DOCK7: variants seen among roughly 807,000 people sequenced by gnomAD.
DOCK7 encodes the protein dedicator of cytokinesis protein 7.
Under a neutral mutation model 271.0 loss-of-function variants are expected in DOCK7, and 138 were observed. The ratio of observed to expected loss-of-function variants is 0.51; its 90% confidence interval spans 0.44 to 0.59. The LOEUF (loss-of-function observed/expected upper bound fraction) is 0.59, where lower values mean the gene tolerates loss of function less well. Ranked by LOEUF, DOCK7 falls within the 20% of genes least tolerant of loss-of-function variation. DOCK7 has a pLI of 0.00. For missense variants in DOCK7, 2,066 were observed against 2,592.4 expected (o/e 0.80, Z 4.41); for synonymous variants, 823 against 876.1 (o/e 0.94, Z 1.07).
chr1:62,686,919 G>A (rs920069187), intron 1 of DOCK7, among the ~76,000 whole-genome samples: 2 of 151,428 alleles, frequency 1.3e-5, no homozygotes, highest in African/African-American at 4.9e-5. Context: ...CAGCTAGGAC[G>A]ACAGGTGCAA....
At chr1:62,566,338 C>G (rs185721086) in intron 18 of DOCK7, among the ~76,000 whole-genome samples, 11 of 152,168 alleles carry the variant, frequency 7.2e-5, no homozygotes, top group African/African-American at 2.6e-4. Context: ...GGTACTGGTA[C>G]CAAAACAGAT....
chr1:62,612,732 AGACCAAAATCC>A (rs1215244750), intron 14 of DOCK7, among the ~76,000 whole-genome samples: 3 of 152,238 alleles, frequency 2.0e-5, no homozygotes, highest in Non-Finnish European at 4.4e-5. Flanking sequence ...TATTCCTAAC[AGACCAAAATCC>A]TTTTGTTTCT....
At chr1:62,604,508 C>A in intron 14 of DOCK7, 1 of 1,047,474 alleles carries the variant, frequency 9.5e-7, no homozygotes, top group Middle Eastern at 2.5e-4. Flanking sequence ...TTATTTAAAA[C>A]TGGGATACAT....
At chr1:62,562,822 C>A (rs955675346) in intron 18 of DOCK7, among the ~76,000 whole-genome samples, 2 of 152,000 alleles carry the variant, frequency 1.3e-5, no homozygotes, top group Non-Finnish European at 2.9e-5. Flanking sequence ...AACAAAGCCC[C>A]AAGAAAAGCC....
intron 18 of DOCK7, among the ~76,000 whole-genome samples, chr1:62,573,452 AT>A (rs1646849277): frequency 2.0e-5 from 3 of 152,340 alleles, no homozygotes; most frequent in Middle Eastern, 6.8e-3. Flanking sequence ...CCTAATTTTA[AT>A]TTTAAAATTG....
At chr1:62,596,273 T>C (rs1296389309) in intron 14 of DOCK7, among the ~76,000 whole-genome samples, 2 of 152,154 alleles carry the variant, frequency 1.3e-5, no homozygotes, top group Admixed American at 1.3e-4. Flanking sequence ...TTAAGTAACT[T>C]GTCCAAGGCC....
At chr1:62,650,204 T>C (rs565882826) in intron 4 of DOCK7, among the ~76,000 whole-genome samples, 2 of 152,362 alleles carry the variant, frequency 1.3e-5, no homozygotes, top group South Asian at 4.1e-4. Flanking sequence ...TAGTCTATAT[T>C]TACCTGTGTT....
At chr1:62,491,231 GA>G (rs1034964360) in intron 41 of DOCK7, among the ~76,000 whole-genome samples, 2 of 152,208 alleles carry the variant, frequency 1.3e-5, no homozygotes, top group African/African-American at 4.8e-5. Flanking sequence ...GCAGGATAGG[GA>G]TAAGGCCTGG....
intron 31 of DOCK7, among the ~76,000 whole-genome samples, chr1:62,524,340 G>A (rs1644937569): frequency 6.6e-6 from 1 of 152,158 alleles, no homozygotes; most frequent in Admixed American, 6.5e-5. Flanking sequence ...GATACCCACA[G>A]TCTATGACCC....
At position 62,688,386 on chromosome 1, in the gene DOCK7, T is replaced by C. The variant is rs1317420811; in HGVS notation, c.-122A>G. 2 of 535,746 alleles carry C rather than the reference T, an allele frequency of 3.7e-6. No homozygotes were observed. Among genetic ancestry groups the C allele is most frequent in the Non-Finnish European group, 5.3e-6 (2 of 377,324 alleles). The allele number at this position is 535,746 out of a possible 1,614,324, so 33.2% of individuals were successfully genotyped here. ...CCTCCGCCAGTCCGGGCTCCGGACC[T>C]GGGAGGCTGGGGCTGGCGGCCGGAG... On this transcript the variant is annotated 5_prime_UTR_variant, in exon 1 of 50. Coordinates refer to ENST00000635253, the MANE Select transcript of DOCK7 (RefSeq NM_001367561.1).
Position 62,454,826 on chromosome 1 carries a change from G to A in DOCK7, c.*588C>T, listed in dbSNP as rs780578815. The A allele has an allele frequency of 6.3e-5, 12 of 189,756 alleles. No individual in the cohort carries two copies. The highest frequency in any genetic ancestry group is 8.5e-5 in the Non-Finnish European group (8 of 93,700). 11.8% of individuals were successfully genotyped at this position (189,756 alleles called of 1,614,324 possible). ...CAAAGGTTTTACTAAGTAAAGTTCT[G>A]CAATTCTAAATTCCTGTTTTGGGTA... is the stretch of plus-strand genomic sequence containing the variant. On this transcript the variant is annotated 3_prime_UTR_variant, in exon 50 of 50. Transcript: ENST00000635253.
At chr1:62,628,422 A>G (rs973790632) in intron 11 of DOCK7, 3 of 152,230 alleles carry the variant, frequency 2.0e-5, no homozygotes, top group Admixed American at 6.5e-5. Context: ...TTGACTTTCA[A>G]TAAGGGATCT....
At chr1:62,485,104 C>G in intron 43 of DOCK7, 1 of 968,064 alleles carries the variant, frequency 1.0e-6, no homozygotes, top group Non-Finnish European at 1.2e-6. Context: ...CCACTGCACT[C>G]CAGTCTGAAT....
At chr1:62,593,126 T>C (rs990822466) in intron 14 of DOCK7, among the ~76,000 whole-genome samples, 2 of 152,178 alleles carry the variant, frequency 1.3e-5, no homozygotes, top group African/African-American at 4.8e-5. Flanking sequence ...TGAGCTATTA[T>C]ACATAACAAG....
rs534504835 is a variant in DOCK7 at position 62,551,687 on chromosome 1, AAAAAG to A, written c.2766+1040_2766+1044del. Among the ~76,000 whole-genome samples, 334 of 152,154 alleles carry A rather than the reference AAAAAG, an allele frequency of 2.2e-3. 2 individuals carry two copies. Among genetic ancestry groups the A allele is most frequent in the African/African-American group, 7.7e-3 (319 of 41,552 alleles). On this transcript the variant is annotated intron_variant, in intron 22 of 49. Coordinates refer to ENST00000635253, the MANE Select transcript of DOCK7 (RefSeq NM_001367561.1). ...AGGTAGCTATCAAAAATTTTGCAAT[AAAAAG>A]AAAACAACATAAAAACTATGTAAAT...
chr1:62,539,075 C>G (rs1645441370), intron 27 of DOCK7, among the ~76,000 whole-genome samples: 1 of 152,146 alleles, frequency 6.6e-6, no homozygotes, highest in Non-Finnish European at 1.5e-5. Context: ...TTCGTAAAGT[C>G]AAGATAATGA....
intron 38 of DOCK7, chr1:62,495,939 CAG>C: frequency 2.6e-6 from 1 of 391,252 alleles, no homozygotes; most frequent in Non-Finnish European, 4.5e-6. Flanking sequence ...AGAAATAAAA[CAG>C]AGGGATATGG....
chr1:62,529,484 A>G, intron 29 of DOCK7, 38 bp from the exon 30 acceptor site: 1 of 1,527,628 alleles, frequency 6.5e-7, no homozygotes, highest in Middle Eastern at 1.8e-4. Flanking sequence ...AAAAAGCAGT[A>G]AGGCCACAGA....
Position 62,648,424 on chromosome 1 carries a change from C to A in DOCK7, c.510G>T (p.Gln170His). 1 of 1,534,970 alleles carries A rather than the reference C, an allele frequency of 6.5e-7. No individual in the cohort carries two copies. Among genetic ancestry groups the A allele is most frequent in the South Asian group, 1.3e-5 (1 of 74,438 alleles). The part of the protein sequence containing the change: ...SDEAPDGNSY[Q>H]DDQDDLKRRS... ...AGAATAAAAGTATTACTTGATCATC[C>A]TGGTAGCTGTTGCCATCTGGAGCTT... is the stretch of plus-strand genomic sequence containing the variant. The change falls in exon 5 of 50, where the codon CAG becomes CAT. Residue 170 changes from glutamine to histidine, a missense_variant. By Grantham distance (24) the Gln-to-His change is conservative. Around this residue, in one of 2 missense-constraint regions of DOCK7, gnomAD observed 1,414 missense variants for 1,670.4 expected, o/e 0.85. Transcript: ENST00000635253.
Sources: allele counts gnomAD v4.1 joint callset (sites outside exome capture counted in the v4.1 genomes callset), GRCh38; gene constraint gnomAD v4.1.1; regional missense constraint gnomAD v4.1.1; transcripts MANE v1.5; gene names NCBI Gene and HGNC (gene_info 2026-07-23, HGNC 2026-07-21).